VAT1L: variants seen among roughly 807,000 people sequenced by gnomAD.
VAT1L encodes putative NADPH-dependent quinone oxidoreductase VAT1L.
In VAT1L, 34 loss-of-function variants were observed where a neutral mutation model predicts 44.1. That is an observed-to-expected ratio of 0.77 (90% CI 0.59 to 1.03). VAT1L has a LOEUF of 1.03. Ranked by LOEUF, VAT1L falls within the 50% of genes least tolerant of loss-of-function variation. The pLI is 0.00. For missense variants in VAT1L, 615 were observed against 538.8 expected (o/e 1.14, Z -1.40); for synonymous variants, 253 against 202.2 (o/e 1.25, Z -2.13).
At chr16:77,891,006 C>A (rs1305807632) in intron 7 of VAT1L, among the ~76,000 whole-genome samples, 1 of 151,664 alleles carries the variant, frequency 6.6e-6, no homozygotes, top group Non-Finnish European at 1.5e-5. Context: ...TACGGTACCA[C>A]TGGTCACATA....
At chr16:77,908,303 TA>T (rs1232867561) in intron 7 of VAT1L, among the ~76,000 whole-genome samples, 32 of 149,864 alleles carry the variant, frequency 2.1e-4, no homozygotes, top group African/African-American at 7.6e-4. Flanking sequence ...CTATGAGAAT[TA>T]CAAAAAAATT....
chr16:77,933,944 C>T (rs2017762469), intron 7 of VAT1L, among the ~76,000 whole-genome samples: 1 of 152,110 alleles, frequency 6.6e-6, no homozygotes, highest in African/African-American at 2.4e-5. Context: ...GGAAGAAACC[C>T]ACTGGAGTGC....
chr16:77,802,669 C>CACACACACACACA (rs1335721953), intron 1 of VAT1L, among the ~76,000 whole-genome samples: 1 of 131,630 alleles, frequency 7.6e-6, no homozygotes, highest in Non-Finnish European at 1.6e-5. Flanking sequence ...CACACACACA[C>CACACACACACACA]TAAAGTTGCA....
intron 4 of VAT1L, among the ~76,000 whole-genome samples, chr16:77,865,814 G>C (rs553552125): frequency 6.6e-6 from 1 of 152,114 alleles, no homozygotes; most frequent in South Asian, 2.1e-4. Flanking sequence ...TGTGGGGAGT[G>C]GGAAGAGAAG....
chr16:77,838,611 G>A (rs537875966), intron 3 of VAT1L, among the ~76,000 whole-genome samples: 2 of 151,772 alleles, frequency 1.3e-5, no homozygotes, highest in African/African-American at 2.4e-5. Flanking sequence ...TCTCCCCACC[G>A]CAACAAACTG....
intron 5 of VAT1L, among the ~76,000 whole-genome samples, chr16:77,877,482 T>C (rs2017100174): frequency 8.0e-6 from 1 of 124,912 alleles, no homozygotes; most frequent in Admixed American, 1.0e-4. Context: ...CAGTGCACTC[T>C]AGCCTGGGCG....
chr16:77,863,376 C>A (rs1180227296), intron 4 of VAT1L, among the ~76,000 whole-genome samples: 1 of 152,200 alleles, frequency 6.6e-6, no homozygotes, highest in Non-Finnish European at 1.5e-5. Flanking sequence ...GAACACACAC[C>A]CTTCTCATAG....
At chr16:77,942,840 G>A (rs2017905872) in intron 7 of VAT1L, among the ~76,000 whole-genome samples, 2 of 152,016 alleles carry the variant, frequency 1.3e-5, no homozygotes, top group Admixed American at 6.6e-5. Flanking sequence ...CGCCTCCCGG[G>A]TTCAAGCGAT....
chr16:77,878,549 G>A (rs1481412941), intron 5 of VAT1L, among the ~76,000 whole-genome samples: 1 of 150,386 alleles, frequency 6.6e-6, no homozygotes, highest in Non-Finnish European at 1.5e-5. Flanking sequence ...CCTCCCATCT[G>A]CCCTCTGAAT....
chr16:77,829,011 C>A (rs1487823279), intron 3 of VAT1L, among the ~76,000 whole-genome samples: 1 of 152,142 alleles, frequency 6.6e-6, no homozygotes, highest in East Asian at 1.9e-4. Context: ...CTGCCTCTCT[C>A]CCTCCCTTTT....
At chr16:77,851,805 G>A (rs192813509) in intron 3 of VAT1L, among the ~76,000 whole-genome samples, 1 of 152,276 alleles carries the variant, frequency 6.6e-6, no homozygotes, top group Non-Finnish European at 1.5e-5. Flanking sequence ...CACACAGCCT[G>A]TCAGTGCCAT....
Position 77,798,598 on chromosome 16 carries a change from G to A in VAT1L, c.233+9683G>A, listed in dbSNP as rs961863744. ...ATTAATGGTGGGGAGGAGGTACAAA[G>A]AAATAGGACATTAAAAAGTCCCTCT... is the stretch of plus-strand genomic sequence containing the variant. On this transcript the variant is annotated intron_variant, in intron 1 of 8. Transcript: ENST00000302536. 2.0e-5 allele frequency among the ~76,000 whole-genome samples: 3 copies of A among 152,142 alleles called. No homozygotes were observed. The East Asian group carries it at 5.8e-4, about 29-fold the overall frequency.
At position 77,796,776 on chromosome 16, in the gene VAT1L, G is replaced by A. The variant is rs537366994; in HGVS notation, c.233+7861G>A. Among the ~76,000 whole-genome samples the A allele has an allele frequency of 3.9e-5, 6 of 152,292 alleles. No homozygotes were observed. The East Asian group carries it at 5.8e-4, about 15-fold the overall frequency. On this transcript the variant is annotated intron_variant, in intron 1 of 8. Coordinates refer to ENST00000302536, the MANE Select transcript of VAT1L (RefSeq NM_020927.3). ...TCACACTAAACTACATTGCCAGCAC[G>A]GAGTAGGATGCTGGCTTTTCTACAA... is the stretch of plus-strand genomic sequence containing the variant.
chr16:77,928,080 A>C (rs2017689841), intron 7 of VAT1L, among the ~76,000 whole-genome samples: 3 of 152,098 alleles, frequency 2.0e-5, no homozygotes, highest in Non-Finnish European at 4.4e-5. Flanking sequence ...TACTGGGCTC[A>C]AGTGGGCCAT....
At chr16:77,880,338 T>C (rs902872795) in intron 6 of VAT1L, among the ~76,000 whole-genome samples, 9 of 152,072 alleles carry the variant, frequency 5.9e-5, no homozygotes, top group Non-Finnish European at 1.0e-4. Context: ...TGTATTTATT[T>C]TGGTAGAGAC....
Position 77,797,399 on chromosome 16 carries a change from C to A in VAT1L, c.233+8484C>A, listed in dbSNP as rs189022264. On this transcript the variant is annotated intron_variant, in intron 1 of 8. Coordinates refer to ENST00000302536, the MANE Select transcript of VAT1L (RefSeq NM_020927.3). The stretch of plus-strand genomic sequence containing the variant: ...GTGCTGGGATTACAGGCGTGAGCCA[C>A]CGCGCCCAGCAATTTTTCTTTTTTT... Among the ~76,000 whole-genome samples the A allele has an allele frequency of 3.9e-4, 59 of 152,316 alleles. No individual in the cohort carries two copies. In the East Asian group the frequency reaches 0.011, roughly 27 times the overall value.
At chr16:77,892,929 T>C in intron 7 of VAT1L, 1 of 945,522 alleles carries the variant, frequency 1.1e-6, no homozygotes, top group Non-Finnish European at 1.7e-6. Context: ...GTTTGACTTG[T>C]GTTTTATCTT....
chr16:77,788,784 C>G lies in VAT1L; in HGVS notation c.102C>G (p.His34Gln), dbSNP rs1441249096. The stretch of plus-strand genomic sequence containing the variant: ...AGGGCGGCGGCGGCGACGGCTCGCA[C>G]CGCCTCGGGGACGCCCAGGAGATGC... Reference protein sequence around the residue: ...PAEGGGGDGSHRLGDAQEMRA... With the variant: ...PAEGGGGDGSQRLGDAQEMRA... The change falls in exon 1 of 9, where the codon CAC becomes CAG. Residue 34 changes from histidine (H) to glutamine (Q), a missense_variant. Coordinates refer to ENST00000302536, the MANE Select transcript of VAT1L (RefSeq NM_020927.3). 1 of 1,565,614 alleles carries G rather than the reference C, an allele frequency of 6.4e-7. No individual in the cohort carries two copies. The highest frequency in any genetic ancestry group is 1.2e-5 in the South Asian group (1 of 85,142).
At chr16:77,876,978 T>A (rs1171178493) in intron 5 of VAT1L, among the ~76,000 whole-genome samples, 1 of 151,932 alleles carries the variant, frequency 6.6e-6, no homozygotes, top group Non-Finnish European at 1.5e-5. Context: ...GGAACACATG[T>A]CTGTTCTTCT....
Sources: allele counts gnomAD v4.1 joint callset (sites outside exome capture counted in the v4.1 genomes callset), GRCh38; gene constraint gnomAD v4.1.1; transcripts MANE v1.5; gene names NCBI Gene and HGNC (gene_info 2026-07-23, HGNC 2026-07-21).